Variants in CSMD1 observed in about 807,000 individuals in gnomAD.
The protein encoded by CSMD1 is CUB and sushi domain-containing protein 1.
A neutral mutation model predicts 417.5 loss-of-function variants in CSMD1; 213 were observed. The observed-to-expected ratio is 0.51, with a 90% CI of 0.46 to 0.57. The LOEUF (loss-of-function observed/expected upper bound fraction) is 0.57. CSMD1 is among the 20% of genes least tolerant of loss of function. CSMD1 has a pLI of 0.00. For missense variants in CSMD1, 6,923 were observed against 4,529.7 expected (o/e 1.53, Z -15.17); for synonymous variants, 2,862 against 1,736.8 (o/e 1.65, Z -16.11).
chr8:4,964,391 C>T (rs773645652), intron 1 of CSMD1, among the ~76,000 whole-genome samples: 48 of 150,904 alleles, frequency 3.2e-4, no homozygotes, highest in Non-Finnish European at 5.9e-4. Flanking sequence ...TAGTGGCATG[C>T]ACCTGTAGTC....
chr8:4,963,565 T>C (rs1272796754), intron 1 of CSMD1, among the ~76,000 whole-genome samples: 2 of 152,216 alleles, frequency 1.3e-5, no homozygotes, highest in African/African-American at 2.4e-5. Flanking sequence ...GTCTTTCCTA[T>C]TGGTCTTTGT....
chr8:3,925,496 G>C (rs2688316), intron 5 of CSMD1, among the ~76,000 whole-genome samples: 3 of 152,290 alleles, frequency 2.0e-5, no homozygotes, highest in South Asian at 2.1e-4. Context: ...GTAAGACACT[G>C]ATGCGGTTTG....
rs565213401 is a variant in CSMD1, at chr8:3,633,237, A to G, written c.1010-16440T>C. ...ATAACTTAAAATGTCTACATTGGAT[A>G]TAACATAAATTACTCTGACACTGAG... On this transcript the variant is annotated intron_variant, in intron 7 of 69. Transcript: ENST00000635120. Among the ~76,000 whole-genome samples the G allele has an allele frequency of 1.3e-4, 20 of 152,370 alleles. No individual in the cohort carries two copies. The East Asian group carries it at 3.9e-3, about 29-fold the overall frequency.
chr8:3,222,368 T>C (rs2116864581), intron 28 of CSMD1, among the ~76,000 whole-genome samples: 1 of 152,168 alleles, frequency 6.6e-6, no homozygotes, highest in South Asian at 2.1e-4. Flanking sequence ...CAGCTCAGAC[T>C]AGACACTCAT....
At chr8:4,462,816 A>T (rs1432986103) in intron 2 of CSMD1, among the ~76,000 whole-genome samples, 1 of 152,208 alleles carries the variant, frequency 6.6e-6, no homozygotes, top group African/African-American at 2.4e-5. Flanking sequence ...TCCACAAAAA[A>T]ATTGATAAAT....
chr8:3,967,578 C>T (rs1311809938), intron 5 of CSMD1, among the ~76,000 whole-genome samples: 1 of 152,062 alleles, frequency 6.6e-6, no homozygotes, highest in Non-Finnish European at 1.5e-5. Context: ...CCAGCTTGAC[C>T]TCTGTGTAGA....
At chr8:4,429,796 A>G (rs1797767985) in intron 2 of CSMD1, among the ~76,000 whole-genome samples, 1 of 152,132 alleles carries the variant, frequency 6.6e-6, no homozygotes, top group Non-Finnish European at 1.5e-5. Context: ...ATATACCGGC[A>G]ATCCCCTCCC....
chr8:3,821,819 G>C (rs1293837914), intron 5 of CSMD1, among the ~76,000 whole-genome samples: 4 of 151,694 alleles, frequency 2.6e-5, no homozygotes, highest in East Asian at 1.9e-4. Context: ...CAAACAAAAA[G>C]TTTAATGGGA....
At chr8:4,500,432 G>A (rs145227049) in intron 2 of CSMD1, among the ~76,000 whole-genome samples, 328 of 152,250 alleles carry the variant, frequency 2.2e-3, no homozygotes, top group African/African-American at 7.0e-3. Context: ...AAAAACTTGC[G>A]TAGATCGTGT....
chr8:4,678,993 C>G (rs1005681922), intron 1 of CSMD1, among the ~76,000 whole-genome samples: 6 of 152,228 alleles, frequency 3.9e-5, no homozygotes, highest in African/African-American at 1.4e-4. Context: ...GACTCTCAAC[C>G]TCACCCACAG....
intron 2 of CSMD1, among the ~76,000 whole-genome samples, chr8:4,627,937 G>C (rs916109950): frequency 6.6e-6 from 1 of 151,922 alleles, no homozygotes; most frequent in Non-Finnish European, 1.5e-5. Flanking sequence ...ACGATGATCA[G>C]CATCTCTAGA....
At chr8:3,324,230 C>T (rs1347736089) in intron 23 of CSMD1, among the ~76,000 whole-genome samples, 1 of 141,956 alleles carries the variant, frequency 7.0e-6, no homozygotes, top group Non-Finnish European at 1.5e-5. Flanking sequence ...CCCAGAGACC[C>T]GGGAGGGGGA....
intron 3 of CSMD1, among the ~76,000 whole-genome samples, chr8:4,335,141 A>G (rs1468443338): frequency 6.6e-6 from 1 of 152,058 alleles, no homozygotes; most frequent in Non-Finnish European, 1.5e-5. Flanking sequence ...GACTCAAGTG[A>G]TTCACCCTCC....
intron 5 of CSMD1, among the ~76,000 whole-genome samples, chr8:3,814,113 G>A (rs543782997): frequency 6.6e-6 from 1 of 152,306 alleles, no homozygotes; most frequent in East Asian, 1.9e-4. Flanking sequence ...CAGAACCCAT[G>A]TTCTTTGCAA....
chr8:3,460,057 C>T (rs1030012332), intron 12 of CSMD1, among the ~76,000 whole-genome samples: 7 of 152,114 alleles, frequency 4.6e-5, no homozygotes, highest in African/African-American at 1.7e-4. Context: ...ATAAAGAGGT[C>T]CTTGCATTCC....
intron 8 of CSMD1, among the ~76,000 whole-genome samples, chr8:3,589,887 A>G (rs1386113901): frequency 6.6e-6 from 1 of 152,132 alleles, no homozygotes; most frequent in Admixed American, 6.5e-5. Context: ...AATTTTAGAA[A>G]AGAAAATATC....
intron 2 of CSMD1, among the ~76,000 whole-genome samples, chr8:4,468,690 A>G (rs1035009495): frequency 6.6e-6 from 1 of 152,186 alleles, no homozygotes; most frequent in African/African-American, 2.4e-5. Context: ...ATGTATCATA[A>G]CAAGAGTGTT....
chr8:4,139,704 G>A (rs1803664929), intron 3 of CSMD1, among the ~76,000 whole-genome samples: 1 of 151,152 alleles, frequency 6.6e-6, no homozygotes, highest in Admixed American at 6.6e-5. Flanking sequence ...TGATGATTTT[G>A]GTGGGAAGCC....
chr8:3,835,596 G>C (rs1177910240), intron 5 of CSMD1, among the ~76,000 whole-genome samples: 2 of 151,798 alleles, frequency 1.3e-5, no homozygotes, highest in East Asian at 1.9e-4. Flanking sequence ...AGCATTAGGA[G>C]ATATGCCTAA....
Sources: gnomAD v4.1 joint callset for allele counts (sites outside exome capture counted in the v4.1 genomes callset) on GRCh38, gnomAD v4.1.1 for gene constraint, MANE v1.5 for transcripts, NCBI Gene and HGNC (gene_info 2026-07-23, HGNC 2026-07-21) for gene names.